CA10: variants seen among roughly 807,000 people sequenced by gnomAD.
CA10 encodes the protein carbonic anhydrase 10 (inactive).
In CA10, 14 loss-of-function variants were observed where a neutral mutation model predicts 44.2. The ratio of observed to expected loss-of-function variants is 0.32; its 90% confidence interval spans 0.21 to 0.50. CA10 has a LOEUF of 0.50. Among genes scored for constraint, CA10 ranks in the 20% least tolerant of loss-of-function variants. CA10 has a pLI of 0.99. For synonymous variants in CA10, 159 were observed against 141.6 expected (o/e 1.12, Z -0.87); for missense variants, 350 against 409.7 (o/e 0.85, Z 1.26).
At chr17:51,877,828 G>C (rs1209173751) in intron 3 of CA10, among the ~76,000 whole-genome samples, 1 of 151,988 alleles carries the variant, frequency 6.6e-6, no homozygotes, top group African/African-American at 2.4e-5. Flanking sequence ...AGAATATAAA[G>C]AGAGGTAAAG....
At chr17:51,873,576 G>T (rs1294324658) in intron 3 of CA10, among the ~76,000 whole-genome samples, 1 of 152,180 alleles carries the variant, frequency 6.6e-6, no homozygotes. Context: ...CAAGAGAGAG[G>T]CCAATTTTTT....
intron 1 of CA10, among the ~76,000 whole-genome samples, chr17:52,089,619 T>C (rs986790187): frequency 7.9e-5 from 12 of 152,088 alleles, no homozygotes; most frequent in African/African-American, 2.6e-4. Context: ...CCTCTATACG[T>C]AGACACTTAT....
At chr17:51,717,719 GTATA>G (rs1567815346) in intron 4 of CA10, among the ~76,000 whole-genome samples, 2 of 17,144 alleles carry the variant, frequency 1.2e-4, no homozygotes, top group African/African-American at 1.9e-4. Flanking sequence ...ACATATATAC[GTATA>G]TATACATATA....
chr17:52,054,612 TG>T (rs1401436086), intron 2 of CA10, among the ~76,000 whole-genome samples: 1 of 152,030 alleles, frequency 6.6e-6, no homozygotes, highest in Non-Finnish European at 1.5e-5. Flanking sequence ...TTTTGCGGCT[TG>T]GGGGGCATCA....
chr17:51,919,621 G>T (rs761161006), intron 3 of CA10, among the ~76,000 whole-genome samples: 5 of 152,084 alleles, frequency 3.3e-5, no homozygotes, highest in Non-Finnish European at 5.9e-5. Flanking sequence ...TGGTTGTTTT[G>T]TAAAATGCCT....
At chr17:51,865,452 G>T (rs1477070911) in intron 3 of CA10, among the ~76,000 whole-genome samples, 1 of 152,164 alleles carries the variant, frequency 6.6e-6, no homozygotes, top group Non-Finnish European at 1.5e-5. Flanking sequence ...ACTCCTCTTG[G>T]GTAGTGAAAA....
chr17:51,866,090 G>A (rs1357793152), intron 3 of CA10, among the ~76,000 whole-genome samples: 1 of 152,130 alleles, frequency 6.6e-6, no homozygotes, highest in African/African-American at 2.4e-5. Flanking sequence ...ATAAACAAAG[G>A]CAATGTTTTA....
intron 1 of CA10, 59 bp from the exon 2 acceptor site, chr17:52,072,452 C>A: frequency 1.6e-6 from 2 of 1,272,970 alleles, no homozygotes; most frequent in Non-Finnish European, 2.3e-6. Flanking sequence ...TGTGTCCCGG[C>A]TGTCCGAGTA....
intron 2 of CA10, among the ~76,000 whole-genome samples, chr17:51,970,381 TTTA>T (rs1230198216): frequency 7.9e-5 from 3 of 37,930 alleles, no homozygotes; most frequent in African/African-American, 2.6e-4. Context: ...ATATTTTAGT[TTTA>T]TTATTTTTTT....
intron 1 of CA10, among the ~76,000 whole-genome samples, chr17:52,113,317 C>T (rs1034006910): frequency 1.3e-5 from 2 of 152,160 alleles, no homozygotes; most frequent in African/African-American, 4.8e-5. Flanking sequence ...AAATAGATTA[C>T]ACTTCTTTCT....
chr17:51,883,309 G>C (rs1235060828), intron 3 of CA10, among the ~76,000 whole-genome samples: 3 of 151,568 alleles, frequency 2.0e-5, no homozygotes, highest in African/African-American at 4.9e-5. Flanking sequence ...TCAATGTTCT[G>C]TTATTCTTCC....
intron 2 of CA10, among the ~76,000 whole-genome samples, chr17:52,032,357 C>T (rs1986493756): frequency 6.6e-6 from 1 of 152,054 alleles, no homozygotes; most frequent in African/African-American, 2.4e-5. Context: ...CATTGGTCTG[C>T]TTGATAGCTT....
chr17:51,718,108 T>C (rs909231667), intron 4 of CA10, among the ~76,000 whole-genome samples: 8 of 151,188 alleles, frequency 5.3e-5, no homozygotes, highest in Non-Finnish European at 8.8e-5. Flanking sequence ...CATACAAATA[T>C]GGTGCAGTGT....
intron 3 of CA10, among the ~76,000 whole-genome samples, chr17:51,808,174 C>A (rs538825863): frequency 6.6e-6 from 1 of 152,156 alleles, no homozygotes; most frequent in Non-Finnish European, 1.5e-5. Context: ...CTTGAAAAAG[C>A]TGCTGGTTTT....
intron 4 of CA10, among the ~76,000 whole-genome samples, chr17:51,670,198 G>C (rs1914365089): frequency 6.6e-6 from 1 of 152,178 alleles, no homozygotes; most frequent in South Asian, 2.1e-4. Context: ...ACCCTTGCCT[G>C]ACCTTCAATT....
intron 4 of CA10, among the ~76,000 whole-genome samples, chr17:51,664,072 T>G (rs1325208607): frequency 2.0e-5 from 3 of 152,228 alleles, no homozygotes; most frequent in Admixed American, 2.0e-4. Flanking sequence ...AGGGCATTTT[T>G]GTTAAATATT....
chr17:52,023,969 G>A (rs947641714), intron 2 of CA10, among the ~76,000 whole-genome samples: 2 of 151,640 alleles, frequency 1.3e-5, no homozygotes, highest in African/African-American at 4.8e-5. Context: ...TTTTATTCTT[G>A]TTGGGGTTTG....
chr17:51,658,610 T>C (rs1913887475), intron 4 of CA10, among the ~76,000 whole-genome samples: 1 of 152,114 alleles, frequency 6.6e-6, no homozygotes, highest in Non-Finnish European at 1.5e-5. Flanking sequence ...TAGGAATGGC[T>C]GGGAAAGGAT....
chr17:51,919,917 G>A (rs1193989905), intron 3 of CA10, among the ~76,000 whole-genome samples: 1 of 152,158 alleles, frequency 6.6e-6, no homozygotes, highest in Non-Finnish European at 1.5e-5. Flanking sequence ...CTGCTAAAGT[G>A]CTGGGATTAC....
Sources: gnomAD v4.1 joint callset for allele counts (sites outside exome capture counted in the v4.1 genomes callset) on GRCh38, gnomAD v4.1.1 for gene constraint, MANE v1.5 for transcripts, NCBI Gene and HGNC (gene_info 2026-07-23, HGNC 2026-07-21) for gene names.